The following PLAC9 variants were observed in gnomAD, a reference collection of about 807,000 sequenced individuals.
The protein encoded by PLAC9 is placenta associated 9.
In PLAC9, 12 loss-of-function variants were observed where a neutral mutation model predicts 11.5. The ratio of observed to expected loss-of-function variants is 1.05; its 90% CI spans 0.67 to 1.69. The LOEUF is 1.69. PLAC9 is among the 40% of genes most tolerant of loss of function. The pLI is 0.00. For synonymous variants in PLAC9, 62 were observed against 58.1 expected, an observed-to-expected ratio of 1.07 and a Z score of -0.31; for missense variants, 132 against 130.5, an observed-to-expected ratio of 1.01 and a Z score of -0.06.
At chr10:80,132,543 T>C, upstream of PLAC9, 1 of 440,762 alleles carries the variant, frequency 2.3e-6, no homozygotes, top group Non-Finnish European at 4.0e-6. Context: ...GGCGCCCAGG[T>C]GGCACGTCGG....
chr10:80,144,229 G>C lies in PLAC9; in HGVS notation c.169G>C (p.Glu57Gln), dbSNP rs146672610. 101 of 1,614,170 alleles carry C rather than the reference G, an allele frequency of 6.3e-5. No homozygotes were observed. The African/African-American group carries it at 1.2e-3, about 19-fold the overall frequency. Residue 57 changes from glutamate (E) to glutamine (Q), a missense_variant, in exon 3 of 4, where the codon GAG (glutamate) becomes CAG (glutamine). Glu to Gln is a conservative substitution (Grantham distance 29, BLOSUM62 2). Transcript: ENST00000372263. ...RRLDVMEEMVEKTVDHLGTEV... is the reference protein window; with the variant it reads ...RRLDVMEEMVQKTVDHLGTEV... ...ACCCCACTTCCCACTCTAGATGGTA[G>C]AGAAGACCGTGGATCACCTGGGGAC...
chr10:80,139,671 G>C (rs979691838), intron 1 of PLAC9, among the ~76,000 whole-genome samples: 11 of 151,982 alleles, frequency 7.2e-5, no homozygotes, highest in East Asian at 3.9e-4. Context: ...TGATGGACTG[G>C]CTCTCAAAAA....
At chr10:80,133,418 C>T (rs1173688541) in intron 1 of PLAC9, among the ~76,000 whole-genome samples, 1 of 152,214 alleles carries the variant, frequency 6.6e-6, no homozygotes, top group African/African-American at 2.4e-5. Flanking sequence ...AAGCCACACT[C>T]CAAAGGATGA....
chr10:80,141,747 C>G lies in PLAC9; in HGVS notation c.65-335C>G, dbSNP rs528480260. Among the ~76,000 whole-genome samples, 3 of 152,294 alleles carry G rather than the reference C, an allele frequency of 2.0e-5. No homozygotes were observed. In the East Asian group the frequency reaches 5.8e-4, roughly 29 times the overall value. On this transcript the variant is annotated intron_variant, in intron 1 of 3. Transcript: ENST00000372263. ...CCGCCCACCCTGTATCTCCAGCCAC[C>G]GCGGGCTCCCTGCAGGTTTTGCACA...
At chr10:80,135,001 GGTTT>G (rs1403272093) in intron 1 of PLAC9, among the ~76,000 whole-genome samples, 8 of 137,872 alleles carry the variant, frequency 5.8e-5, no homozygotes, top group Admixed American at 2.2e-4. Context: ...TTCCAACCTT[GGTTT>G]GTTTGTTTGT....
intron 1 of PLAC9, among the ~76,000 whole-genome samples, chr10:80,136,731 T>G (rs1221681898): frequency 6.6e-6 from 1 of 151,864 alleles, no homozygotes; most frequent in Admixed American, 6.6e-5. Context: ...CAGAGTGACC[T>G]CAAACTTCTG....
chr10:80,132,499 T>G, upstream of PLAC9: 1 of 413,216 alleles, frequency 2.4e-6, no homozygotes, highest in Non-Finnish European at 4.3e-6. Context: ...TCCCAGGAGG[T>G]GCGGGGACTC....
chr10:80,132,930 G>T, intron 1 of PLAC9, 104 bp downstream of exon 1: 1 of 951,432 alleles, frequency 1.1e-6, no homozygotes, highest in Non-Finnish European at 1.5e-6. Flanking sequence ...GGACACAGCA[G>T]CGAGATGGAC....
chr10:80,132,957 G>A, intron 1 of PLAC9, 131 bp downstream of exon 1: 1 of 709,694 alleles, frequency 1.4e-6, no homozygotes, highest in African/African-American at 1.9e-5. Context: ...GCAGATGCAG[G>A]GAGGGAGGGA....
At chr10:80,133,054 C>T (rs1293882053) in intron 1 of PLAC9, among the ~76,000 whole-genome samples, 2 of 151,984 alleles carry the variant, frequency 1.3e-5, no homozygotes, top group Non-Finnish European at 2.9e-5. Context: ...GAAGAATACA[C>T]AGTGAAAAGG....
intron 1 of PLAC9, among the ~76,000 whole-genome samples, chr10:80,140,340 C>T (rs1331009559): frequency 1.3e-5 from 2 of 152,202 alleles, no homozygotes; most frequent in African/African-American, 4.8e-5. Flanking sequence ...CCTCACCTTC[C>T]CTCCTCATCT....
chr10:80,135,014 G>GTTTGTTTA (rs141851880), intron 1 of PLAC9, among the ~76,000 whole-genome samples: 44 of 149,472 alleles, frequency 2.9e-4, no homozygotes, highest in East Asian at 1.4e-3. Flanking sequence ...TTGTTTGTTT[G>GTTTGTTTA]TTTATTTATT....
chr10:80,142,421 G>A (rs1265610224), intron 2 of PLAC9, among the ~76,000 whole-genome samples: 1 of 152,178 alleles, frequency 6.6e-6, no homozygotes, highest in African/African-American at 2.4e-5. Flanking sequence ...TACTGGATGG[G>A]AAGGTGGAAA....
Position 80,144,988 on chromosome 10 carries a change from A to ACTTC in PLAC9, c.*86_*89dup. ...CCACAGAACCAGCCCTGTCCTCTCG[A>ACTTC]CTTCCTTCCTTAGCTTCATGTGAAA... On this transcript the variant is annotated 3_prime_UTR_variant, in exon 4 of 4. Transcript: ENST00000372263. The ACTTC allele has an allele frequency of 6.6e-7, 1 of 1,508,956 alleles. No homozygotes were observed. Among genetic ancestry groups the ACTTC allele is most frequent in the East Asian group, 2.4e-5 (1 of 41,158 alleles). The allele number at this position is 1,508,956 out of a possible 1,614,324, so 93.5% of individuals were successfully genotyped here.
intron 2 of PLAC9, among the ~76,000 whole-genome samples, chr10:80,143,008 C>G (rs1845058409): frequency 6.6e-6 from 1 of 152,066 alleles, no homozygotes; most frequent in Non-Finnish European, 1.5e-5. Flanking sequence ...CAGGCATGAG[C>G]CACTGTGCCC....
intron 1 of PLAC9, among the ~76,000 whole-genome samples, chr10:80,133,163 G>T (rs1388254248): frequency 6.6e-6 from 1 of 152,120 alleles, no homozygotes; most frequent in Non-Finnish European, 1.5e-5. Context: ...AAGAAGGAAA[G>T]AGAAAAAGTG....
At chr10:80,134,052 A>G (rs1844944908) in intron 1 of PLAC9, among the ~76,000 whole-genome samples, 1 of 152,080 alleles carries the variant, frequency 6.6e-6, no homozygotes, top group African/African-American at 2.4e-5. Context: ...TTTAGATGAT[A>G]TATCTTAACT....
At chr10:80,140,364 ACT>A (rs1463318067) in intron 1 of PLAC9, among the ~76,000 whole-genome samples, 4 of 152,054 alleles carry the variant, frequency 2.6e-5, no homozygotes, top group African/African-American at 9.6e-5. Flanking sequence ...GGTAATCCAA[ACT>A]CTGCTTTTCC....
At chr10:80,144,081 G>A in intron 2 of PLAC9, 142 bp from the exon 3 acceptor site, 5 of 1,154,686 alleles carry the variant, frequency 4.3e-6, no homozygotes, top group Non-Finnish European at 6.4e-6. Flanking sequence ...CAGAGCCTGA[G>A]TGAGGAAAAC....
Sources: allele counts gnomAD v4.1 joint callset (sites outside exome capture counted in the v4.1 genomes callset), GRCh38; gene constraint gnomAD v4.1.1; transcripts MANE v1.5; gene names NCBI Gene and HGNC (gene_info 2026-07-23, HGNC 2026-07-21).